Variants in MFSD8 observed in about 807,000 individuals in gnomAD.
MFSD8 encodes the protein major facilitator superfamily domain containing 8.
In MFSD8, 55 loss-of-function variants were observed where a neutral mutation model predicts 66.4. The observed-to-expected ratio is 0.83, with a 90% CI of 0.67 to 1.04. MFSD8 has a LOEUF of 1.04. MFSD8 is among the 50% of genes least tolerant of loss of function. The pLI, the probability that MFSD8 is intolerant of heterozygous loss-of-function variation, is 0.00. For missense variants in MFSD8, 550 were observed against 627.6 expected (o/e 0.88, Z 1.32); for synonymous variants, 202 against 212.8 (o/e 0.95, Z 0.44).
At chr4:127,923,803 G>A (rs993946899) in intron 9 of MFSD8, among the ~76,000 whole-genome samples, 3 of 149,280 alleles carry the variant, frequency 2.0e-5, no homozygotes, top group Non-Finnish European at 4.4e-5. Context: ...GGATGGTCTC[G>A]ACCTCTGACC....
intron 4 of MFSD8, among the ~76,000 whole-genome samples, chr4:127,942,883 G>A (rs1264527836): frequency 6.6e-6 from 1 of 152,030 alleles, no homozygotes; most frequent in Non-Finnish European, 1.5e-5. Flanking sequence ...CTCTGTTAGG[G>A]GGCATAGGAT....
chr4:127,923,206 G>C (rs531377272), intron 9 of MFSD8, among the ~76,000 whole-genome samples: 4 of 152,082 alleles, frequency 2.6e-5, no homozygotes, highest in Non-Finnish European at 5.9e-5. Flanking sequence ...GTCTTGTGCC[G>C]GTTTTCAAAG....
intron 1 of MFSD8, among the ~76,000 whole-genome samples, chr4:127,961,852 G>C (rs1743830833): frequency 6.7e-6 from 1 of 148,368 alleles, no homozygotes; most frequent in African/African-American, 2.5e-5. Flanking sequence ...GAATTTCTGA[G>C]TTCTGAGAAA....
chr4:127,952,617 C>T (rs1003486227), intron 2 of MFSD8, among the ~76,000 whole-genome samples: 2 of 151,974 alleles, frequency 1.3e-5, no homozygotes, highest in African/African-American at 4.8e-5. Context: ...TGCCTGTAAT[C>T]CAAGCACTTT....
chr4:127,923,045 A>G (rs916037634), intron 9 of MFSD8, among the ~76,000 whole-genome samples: 4 of 152,226 alleles, frequency 2.6e-5, no homozygotes, highest in African/African-American at 9.6e-5. Flanking sequence ...CTAGTTTTTA[A>G]GAAATACAGC....
At chr4:127,924,127 T>C (rs969608311) in intron 9 of MFSD8, among the ~76,000 whole-genome samples, 35 of 152,100 alleles carry the variant, frequency 2.3e-4, no homozygotes, top group Non-Finnish European at 4.4e-5. Context: ...GGTCCTGGGC[T>C]TTTTTTGGTT....
At chr4:127,957,075 C>A (rs1743016483) in intron 2 of MFSD8, among the ~76,000 whole-genome samples, 1 of 151,998 alleles carries the variant, frequency 6.6e-6, no homozygotes, top group Non-Finnish European at 1.5e-5. Flanking sequence ...ATATAATGAA[C>A]TATACAGCCT....
chr4:127,919,958 C>T lies in MFSD8; in HGVS notation c.*672G>A, dbSNP rs920702309. 1 of 153,002 alleles carries T rather than the reference C, an allele frequency of 6.5e-6. No individual in the cohort carries two copies. The highest frequency in any genetic ancestry group is 1.5e-5 in the Non-Finnish European group (1 of 68,740). 9.5% of individuals were successfully genotyped at this position (153,002 alleles called of 1,614,324 possible). Reference sequence around the variant, plus strand: ...AGTGAAGTATCTTGATCTCTTAATCCTCTGTATTGCTCAAATATTAGCATT... The same window carrying T: ...AGTGAAGTATCTTGATCTCTTAATCTTCTGTATTGCTCAAATATTAGCATT... On this transcript the variant is annotated 3_prime_UTR_variant, in exon 12 of 12. Coordinates refer to ENST00000641686, the MANE Select transcript of MFSD8 (RefSeq NM_001371596.2).
At chr4:127,927,130 G>A (rs1737334159) in intron 9 of MFSD8, among the ~76,000 whole-genome samples, 1 of 151,838 alleles carries the variant, frequency 6.6e-6, no homozygotes, top group Non-Finnish European at 1.5e-5. Flanking sequence ...GTTTAAAGTA[G>A]GCTAAGCTAA....
chr4:127,927,349 T>C (rs908974463), intron 9 of MFSD8, among the ~76,000 whole-genome samples: 1 of 152,114 alleles, frequency 6.6e-6, no homozygotes, highest in Non-Finnish European at 1.5e-5. Context: ...CTAATTTTTG[T>C]GTATTTAGTT....
intron 9 of MFSD8, among the ~76,000 whole-genome samples, chr4:127,926,714 C>G (rs1365081738): frequency 6.6e-6 from 1 of 151,942 alleles, no homozygotes; most frequent in East Asian, 1.9e-4. Flanking sequence ...TCATAGTACC[C>G]CCATAGCACT....
intron 3 of MFSD8, among the ~76,000 whole-genome samples, chr4:127,948,941 T>A (rs1741507399): frequency 1.3e-5 from 2 of 152,206 alleles, no homozygotes; most frequent in Non-Finnish European, 2.9e-5. Context: ...GGGTATTCTG[T>A]TATAAGCAAC....
intron 7 of MFSD8, among the ~76,000 whole-genome samples, chr4:127,937,437 T>C (rs943261279): frequency 3.3e-5 from 5 of 152,222 alleles, no homozygotes; most frequent in Non-Finnish European, 7.4e-5. Flanking sequence ...TCTTGATTCC[T>C]CTTTCAACAA....
At chr4:127,949,985 C>A in intron 2 of MFSD8, 138 bp from the exon 3 acceptor site, 1 of 626,560 alleles carries the variant, frequency 1.6e-6, no homozygotes. Flanking sequence ...ATTTATGAGG[C>A]AATGAGATTT....
intron 7 of MFSD8, among the ~76,000 whole-genome samples, chr4:127,938,252 A>G (rs915941624): frequency 6.6e-6 from 1 of 152,140 alleles, no homozygotes; most frequent in Non-Finnish European, 1.5e-5. Context: ...CAATGTTTGT[A>G]ACCTTGTCAA....
chr4:127,926,967 C>G (rs1298661626), intron 9 of MFSD8, among the ~76,000 whole-genome samples: 1 of 152,194 alleles, frequency 6.6e-6, no homozygotes, highest in African/African-American at 2.4e-5. Context: ...AGCTCCTAAT[C>G]AGCCACATGA....
At chr4:127,965,571 C>G (rs890288935), upstream of MFSD8, 2 of 235,528 alleles carry the variant, frequency 8.5e-6, no homozygotes, top group Admixed American at 5.2e-5. Flanking sequence ...CTGGGAGGCC[C>G]GGCCAGCTCG....
intron 1 of MFSD8, 158 bp downstream of exon 1, chr4:127,964,914 G>T: frequency 1.2e-6 from 1 of 848,858 alleles, no homozygotes; most frequent in Admixed American, 2.1e-5. Flanking sequence ...CCTACGTTGG[G>T]AGCGAATCTC....
intron 9 of MFSD8, among the ~76,000 whole-genome samples, chr4:127,927,334 C>G (rs1015464101): frequency 6.6e-6 from 1 of 152,138 alleles, no homozygotes; most frequent in Non-Finnish European, 1.5e-5. Context: ...GGCCACCACA[C>G]CCAGCTAATT....
Sources: gnomAD v4.1 joint callset for allele counts (sites outside exome capture counted in the v4.1 genomes callset) on GRCh38, gnomAD v4.1.1 for gene constraint, MANE v1.5 for transcripts, NCBI Gene and HGNC (gene_info 2026-07-23, HGNC 2026-07-21) for gene names.